The following USP28 variants were observed in gnomAD, a reference collection of about 807,000 sequenced individuals.
USP28 encodes the protein ubiquitin carboxyl-terminal hydrolase 28.
In USP28, 113 loss-of-function variants were observed where a neutral mutation model predicts 145.0. That is an observed-to-expected ratio of 0.78 (90% CI 0.67 to 0.91). USP28 has a LOEUF of 0.91. USP28 is among the 40% of genes least tolerant of loss of function. The pLI is 0.00. For missense variants in USP28, 1,201 were observed against 1,289.6 expected, an observed-to-expected ratio of 0.93 and a Z score of 1.05; for synonymous variants, 447 against 450.9, an observed-to-expected ratio of 0.99 and a Z score of 0.11.
intron 16 of USP28, among the ~76,000 whole-genome samples, chr11:113,810,034 C>CAAAAAA (rs368686301): frequency 1.9e-4 from 13 of 68,926 alleles, no homozygotes; most frequent in South Asian, 6.1e-4. Flanking sequence ...GACTCCATCT[C>CAAAAAA]AAAAAAAAAA....
At chr11:113,819,596 T>C (rs1286861651) in intron 12 of USP28, among the ~76,000 whole-genome samples, 1 of 152,260 alleles carries the variant, frequency 6.6e-6, no homozygotes, top group Non-Finnish European at 1.5e-5. Context: ...CAAGCAGATA[T>C]GTGTAACCTT....
intron 12 of USP28, chr11:113,821,488 G>C (rs1942594318): frequency 9.3e-6 from 2 of 215,626 alleles, no homozygotes; most frequent in South Asian, 1.7e-4. Context: ...CTTTCTTCTG[G>C]GAGTGGGTCG....
At chr11:113,856,427 G>A (rs1266631717) in intron 1 of USP28, among the ~76,000 whole-genome samples, 5 of 152,156 alleles carry the variant, frequency 3.3e-5, no homozygotes, top group Admixed American at 6.5e-5. Flanking sequence ...CCAGTAAAAA[G>A]TAATAGCTAA....
At chr11:113,805,172 A>T in intron 19 of USP28, 126 bp from the exon 21 acceptor site, 1 of 828,644 alleles carries the variant, frequency 1.2e-6, no homozygotes, top group Non-Finnish European at 1.8e-6. Context: ...ATATCGAATT[A>T]CAAAAACAAC....
chr11:113,834,635 C>T (rs1192252228), intron 5 of USP28, among the ~76,000 whole-genome samples: 1 of 152,062 alleles, frequency 6.6e-6, no homozygotes, highest in African/African-American at 2.4e-5. Context: ...CCAGGATGGT[C>T]TCAAACTCCT....
chr11:113,871,633 G>A (rs1189695164), intron 1 of USP28, among the ~76,000 whole-genome samples: 1 of 152,056 alleles, frequency 6.6e-6, no homozygotes, highest in African/African-American at 2.4e-5. Flanking sequence ...AGAAATGAAA[G>A]GGGGAAAAAG....
chr11:113,803,297 G>C lies in USP28; in HGVS notation c.2739-16C>G, dbSNP rs1939377778. On this transcript the variant is annotated splice_polypyrimidine_tract_variant and intron_variant, in intron 22 of 24. Coordinates refer to ENST00000003302, the Ensembl canonical transcript of USP28. ...CTCTTGGTACCTTAGAAAAATGGGAGATAAACAACAGCTGAGTGCTCTTTT... is the reference window on the plus strand; with the variant it reads ...CTCTTGGTACCTTAGAAAAATGGGACATAAACAACAGCTGAGTGCTCTTTT... 1.3e-6 allele frequency: 2 copies of C among 1,597,472 alleles called. No individual in the cohort carries two copies. Among genetic ancestry groups the C allele is most frequent in the Non-Finnish European group, 1.7e-6 (2 of 1,173,834 alleles).
chr11:113,829,438 C>A, intron 9 of USP28, 93 bp from the exon 10 acceptor site: 1 of 1,489,952 alleles, frequency 6.7e-7, no homozygotes, highest in Admixed American at 2.0e-5. Context: ...TTAAATTCAG[C>A]AACTTCCTGA....
intron 11 of USP28, 142 bp from the exon 12 acceptor site, chr11:113,823,842 G>T: frequency 1.8e-6 from 1 of 563,884 alleles, no homozygotes; most frequent in Non-Finnish European, 2.9e-6. Flanking sequence ...CATACTCAAG[G>T]TTAAAACTGA....
chr11:113,827,103 T>C, intron 11 of USP28, 130 bp downstream of exon 11: 2 of 1,175,184 alleles, frequency 1.7e-6, no homozygotes, highest in Non-Finnish European at 2.3e-6. Context: ...ACCCTCAACC[T>C]AGACTCATAG....
At chr11:113,840,878 A>C (rs1945125162) in intron 4 of USP28, 121 bp from the exon 5 acceptor site, 1 of 1,236,050 alleles carries the variant, frequency 8.1e-7, no homozygotes, top group African/African-American at 1.5e-5. Flanking sequence ...TTTACTGGAT[A>C]ATCCCTAGCT....
chr11:113,803,116 TA>T (rs774756544), intron 23 of USP28, 41 bp downstream of exon 24: 4 of 1,578,844 alleles, frequency 2.5e-6, no homozygotes, highest in Non-Finnish European at 3.4e-6. Flanking sequence ...GGAGCAGAGG[TA>T]AACAACAAAA....
At position 113,808,476 on chromosome 11, in the gene USP28, T is replaced by A. The variant is rs375480047; in HGVS notation, c.2165-39A>T. 11 of 1,607,598 alleles carry A rather than the reference T, an allele frequency of 6.8e-6. No homozygotes were observed. The highest frequency in any genetic ancestry group is 9.3e-6 in the Non-Finnish European group (11 of 1,177,480). On this transcript the variant is annotated intron_variant, in intron 17 of 24. Transcript: ENST00000003302. ...GAACAAAGGTCTTAGCATCTAATGA[T>A]AAATAGTCTAGAACACTCAGATAAA...
chr11:113,845,549 C>G (rs1011733869), intron 3 of USP28, among the ~76,000 whole-genome samples: 1 of 152,132 alleles, frequency 6.6e-6, no homozygotes, highest in East Asian at 1.9e-4. Context: ...AACCAGTAAT[C>G]CTACTTCTGG....
Position 113,846,079 on chromosome 11 carries a change from G to A in USP28, c.269-4311C>T, listed in dbSNP as rs369738955. ...ACATGAAGTCTGAAGACATTGGTAA[G>A]TGAAATAAGCCCACTGCAAAAGGAC... On this transcript the variant is annotated intron_variant, in intron 3 of 24. Transcript: ENST00000003302. Among the ~76,000 whole-genome samples, 12 of 152,288 alleles carry A rather than the reference G, an allele frequency of 7.9e-5. No homozygotes were observed. The East Asian group carries it at 2.1e-3, about 27-fold the overall frequency.
At chr11:113,810,169 C>T (rs185159588) in intron 16 of USP28, among the ~76,000 whole-genome samples, 1 of 151,968 alleles carries the variant, frequency 6.6e-6, no homozygotes, top group East Asian at 1.9e-4. Flanking sequence ...ATCCATTTAA[C>T]CACTGCATTT....
chr11:113,822,458 C>CAGAGCG (rs1942754856), intron 12 of USP28: 1 of 136,398 alleles, frequency 7.3e-6, no homozygotes, highest in Non-Finnish European at 1.6e-5. Context: ...TCAAAAAAAA[C>CAGAGCG]AGAGAGAGAG....
intron 5 of USP28, among the ~76,000 whole-genome samples, chr11:113,839,008 T>C (rs1944897050): frequency 6.6e-6 from 1 of 152,358 alleles, no homozygotes. Context: ...TCGATACTTC[T>C]GGAGAGCCAC....
intron 12 of USP28, among the ~76,000 whole-genome samples, chr11:113,822,275 C>A (rs1942718702): frequency 6.6e-6 from 1 of 152,116 alleles, no homozygotes; most frequent in Admixed American, 6.6e-5. Flanking sequence ...CATGGTGAAA[C>A]CTTGTCTCTA....
Sources: gnomAD v4.1 joint callset for allele counts (sites outside exome capture counted in the v4.1 genomes callset) on GRCh38, gnomAD v4.1.1 for gene constraint, MANE v1.5 for transcripts, NCBI Gene and HGNC (gene_info 2026-07-23, HGNC 2026-07-21) for gene names.